Variants in CEP350 observed in about 807,000 individuals in gnomAD.
The protein encoded by CEP350 is centrosomal protein 350.
Under a neutral mutation model 331.8 loss-of-function variants are expected in CEP350, and 126 were observed. The ratio of observed to expected loss-of-function variants is 0.38; its 90% CI spans 0.33 to 0.44. The LOEUF is 0.44. CEP350 is among the 20% of genes least tolerant of loss of function. The pLI, the probability that CEP350 is intolerant of heterozygous loss-of-function variation, is 1.00. For synonymous variants in CEP350, 1,200 were observed against 1,259.5 expected (o/e 0.95, Z 1.00); for missense variants, 3,406 against 3,634.6 (o/e 0.94, Z 1.62).
chr1:179,959,289 C>G (rs1650411469), intron 1 of CEP350, among the ~76,000 whole-genome samples: 3 of 152,034 alleles, frequency 2.0e-5, no homozygotes, highest in Admixed American at 2.0e-4. Context: ...AAACCCATCT[C>G]TACTAAAAAT....
chr1:180,016,659 T>G (rs1321498250), intron 11 of CEP350, among the ~76,000 whole-genome samples: 1 of 101,428 alleles, frequency 9.9e-6, no homozygotes, highest in Non-Finnish European at 2.1e-5. Context: ...TTTTGGGTTA[T>G]GTTTTTTTTT....
At chr1:180,018,028 C>T (rs1655079512) in intron 11 of CEP350, among the ~76,000 whole-genome samples, 2 of 152,250 alleles carry the variant, frequency 1.3e-5, no homozygotes, top group South Asian at 4.1e-4. Context: ...AATTTGGAGA[C>T]AGGGTCTTGC....
At chr1:180,036,489 C>T (rs1656364424) in intron 16 of CEP350, among the ~76,000 whole-genome samples, 1 of 152,180 alleles carries the variant, frequency 6.6e-6, no homozygotes, top group Admixed American at 6.5e-5. Flanking sequence ...GTCACTCCAA[C>T]CTTTAGCAAC....
chr1:180,055,546 C>CTTTTTTTTTTTT (rs71118430), intron 25 of CEP350, among the ~76,000 whole-genome samples: 5 of 87,452 alleles, frequency 5.7e-5, no homozygotes, highest in Admixed American at 1.7e-4. Flanking sequence ...TGAATTCCAT[C>CTTTTTTTTTTTT]TTTTTTTTTT....
intron 3 of CEP350, among the ~76,000 whole-genome samples, chr1:179,989,744 T>C (rs1176679051): frequency 6.6e-6 from 1 of 152,202 alleles, no homozygotes; most frequent in African/African-American, 2.4e-5. Context: ...TTGTCTTTAT[T>C]GTGAAACTTA....
intron 8 of CEP350, among the ~76,000 whole-genome samples, chr1:180,008,950 T>A (rs1002667472): frequency 6.6e-6 from 1 of 152,208 alleles, no homozygotes; most frequent in African/African-American, 2.4e-5. Flanking sequence ...TGACACTTGC[T>A]ATATACAGAT....
At chr1:179,958,167 T>A (rs1434197383) in intron 1 of CEP350, among the ~76,000 whole-genome samples, 1 of 152,186 alleles carries the variant, frequency 6.6e-6, no homozygotes, top group East Asian at 1.9e-4. Flanking sequence ...GGCCTTTTTT[T>A]TCATGAATCC....
chr1:180,003,654 T>G (rs1403383147), intron 7 of CEP350, among the ~76,000 whole-genome samples: 1 of 152,092 alleles, frequency 6.6e-6, no homozygotes. Flanking sequence ...GATACTTACA[T>G]GAGAGCAAGA....
intron 1 of CEP350, among the ~76,000 whole-genome samples, chr1:179,959,252 T>G: frequency 6.6e-6 from 1 of 151,868 alleles, no homozygotes; most frequent in East Asian, 1.9e-4. Flanking sequence ...AGGTCAGGAG[T>G]TCGAGACCGG....
At chr1:180,073,944 G>C (rs1659052583) in intron 27 of CEP350, 1 of 1,301,774 alleles carries the variant, frequency 7.7e-7, no homozygotes, top group Non-Finnish European at 1.0e-6. Flanking sequence ...CTCTTTGATA[G>C]AGCATGCTCT....
chr1:179,981,174 A>G (rs1652248006), intron 1 of CEP350, among the ~76,000 whole-genome samples: 1 of 152,172 alleles, frequency 6.6e-6, no homozygotes, highest in Non-Finnish European at 1.5e-5. Context: ...AGAAATATGA[A>G]ATGGACAAAA....
Position 180,094,207 on chromosome 1 carries a change from C to T in CEP350, c.8102C>T (p.Thr2701Ile), listed in dbSNP as rs766276755. The T allele has an allele frequency of 5.0e-6, 8 of 1,613,162 alleles. No homozygotes were observed. The highest frequency in any genetic ancestry group is 1.1e-5 in the South Asian group (1 of 90,970). Residue 2701 changes from threonine (T) to isoleucine (I), a missense_variant, in exon 34 of 38, where the codon ACA (threonine) becomes ATA (isoleucine). Around this residue, in one of 5 missense-constraint regions of CEP350, gnomAD observed 1,415 missense variants for 1,512.3 expected, o/e 0.94. Coordinates refer to ENST00000367607, the MANE Select transcript of CEP350 (RefSeq NM_014810.5). Reference protein sequence around the residue: ...SEELEKQQQFTEEEDNLYAEA... With the variant: ...SEELEKQQQFIEEEDNLYAEA... ...GAATTGGAGAAGCAACAGCAGTTTA[C>T]AGAAGAGGAAGACAACCTATATGCT...
chr1:180,015,617 C>G (rs1044182142), intron 10 of CEP350, among the ~76,000 whole-genome samples: 1 of 152,148 alleles, frequency 6.6e-6, no homozygotes, highest in African/African-American at 2.4e-5. Flanking sequence ...GTGATCCTCC[C>G]ACTTTGACCT....
chr1:180,029,032 C>T (rs973167606), intron 14 of CEP350, among the ~76,000 whole-genome samples: 1 of 152,102 alleles, frequency 6.6e-6, no homozygotes, highest in Non-Finnish European at 1.5e-5. Context: ...GTTCTAAAAT[C>T]AGTGTGATTT....
chr1:179,980,876 A>G (rs1652230214), intron 1 of CEP350, among the ~76,000 whole-genome samples: 1 of 152,158 alleles, frequency 6.6e-6, no homozygotes, highest in Non-Finnish European at 1.5e-5. Context: ...TCTTAGTCCT[A>G]AAAGACAAAT....
chr1:180,094,803 T>C (rs1335840497), intron 34 of CEP350, among the ~76,000 whole-genome samples, 187 bp downstream of exon 34: 2 of 152,190 alleles, frequency 1.3e-5, no homozygotes, highest in Non-Finnish European at 2.9e-5. Context: ...TTTTCCTGGC[T>C]GAAGTGTAAT....
At chr1:180,057,222 C>A (rs1465220559) in intron 25 of CEP350, among the ~76,000 whole-genome samples, 1 of 151,878 alleles carries the variant, frequency 6.6e-6, no homozygotes, top group Non-Finnish European at 1.5e-5. Context: ...CCTCAGCCTC[C>A]TGAGTAGCTG....
At chr1:180,009,347 C>T (rs1156456968) in intron 8 of CEP350, among the ~76,000 whole-genome samples, 2 of 152,156 alleles carry the variant, frequency 1.3e-5, no homozygotes, top group African/African-American at 4.8e-5. Flanking sequence ...TTTCATGTGG[C>T]GTTATGTAAT....
At chr1:179,965,828 G>A (rs1650974747) in intron 1 of CEP350, among the ~76,000 whole-genome samples, 1 of 151,814 alleles carries the variant, frequency 6.6e-6, no homozygotes, top group African/African-American at 2.4e-5. Flanking sequence ...GTTTCACCAT[G>A]TTGGCCAGGC....
Sources: allele counts gnomAD v4.1 joint callset (sites outside exome capture counted in the v4.1 genomes callset), GRCh38; gene constraint gnomAD v4.1.1; regional missense constraint gnomAD v4.1.1; transcripts MANE v1.5; gene names NCBI Gene and HGNC (gene_info 2026-07-23, HGNC 2026-07-21).